DPH6: variants seen among roughly 807,000 people sequenced by gnomAD.
DPH6 encodes diphthine--ammonia ligase.
DPH6 carries 33 observed loss-of-function variants against 38.2 expected under a neutral mutation model. The ratio of observed to expected loss-of-function variants is 0.86; its 90% CI spans 0.65 to 1.15. The LOEUF (loss-of-function observed/expected upper bound fraction) is 1.15, where lower values mean the gene tolerates loss of function less well. Ranked by LOEUF, DPH6 falls within the 50% of genes most tolerant of loss-of-function variation. DPH6 has a pLI of 0.00. For synonymous variants in DPH6, 108 were observed against 103.0 expected (o/e 1.05, Z -0.30); for missense variants, 325 against 320.0 (o/e 1.02, Z -0.12).
rs372916946 is a variant in DPH6, at chr15:35,432,112, C to T, written c.505+18573G>A. On this transcript the variant is annotated intron_variant, in intron 5 of 8. Coordinates refer to ENST00000256538, the MANE Select transcript of DPH6 (RefSeq NM_080650.4). ...AATGTGCAGCCATGGTAGAGAACCA[C>T]TGATGTAATGCTATAAAGGTGGATG... is the stretch of plus-strand genomic sequence containing the variant. 1.1e-4 allele frequency among the ~76,000 whole-genome samples: 16 copies of T among 152,164 alleles called. 2 individuals are homozygous for T. Among genetic ancestry groups the T allele is most frequent in the East Asian group, 5.8e-4 (3 of 5,176 alleles).
the DPH6 span, among the ~76,000 whole-genome samples, chr15:35,205,908 A>C: frequency 6.6e-6 from 1 of 152,120 alleles, no homozygotes; most frequent in African/African-American, 2.4e-5. Context: ...AGTTTGGAAA[A>C]AGTGGTCACT....
the DPH6 span, among the ~76,000 whole-genome samples, chr15:35,178,373 G>A: frequency 1.9e-4 from 29 of 152,194 alleles, no homozygotes; most frequent in Non-Finnish European, 3.4e-4. Context: ...AGAAGGCAAT[G>A]AGAAGCAAAG....
intron 3 of DPH6, among the ~76,000 whole-genome samples, chr15:35,223,963 T>A (rs576374182): frequency 6.6e-6 from 1 of 152,170 alleles, no homozygotes; most frequent in African/African-American, 2.4e-5. Context: ...CAACCACTTA[T>A]CTCTTTACTG....
chr15:35,150,222 G>C, the DPH6 span, among the ~76,000 whole-genome samples: 7 of 152,206 alleles, frequency 4.6e-5, no homozygotes, highest in Non-Finnish European at 1.0e-4. Flanking sequence ...TTTAAAACTA[G>C]ATTACTCTTT....
downstream of DPH6, among the ~76,000 whole-genome samples, chr15:35,214,060 T>C (rs966456692): frequency 4.7e-5 from 7 of 147,398 alleles, no homozygotes; most frequent in Non-Finnish European, 1.0e-4. Flanking sequence ...TGCAGTGAGC[T>C]GAGATTGCGC....
chr15:35,397,437 T>C (rs1482467964), intron 6 of DPH6, among the ~76,000 whole-genome samples: 1 of 152,224 alleles, frequency 6.6e-6, no homozygotes, highest in Non-Finnish European at 1.5e-5. Context: ...CCTATGCATC[T>C]ACTTCCACTC....
At chr15:35,526,159 G>C (rs557599842) in intron 3 of DPH6, among the ~76,000 whole-genome samples, 52 of 152,284 alleles carry the variant, frequency 3.4e-4, no homozygotes, top group African/African-American at 1.2e-3. Flanking sequence ...TTTATCAAAT[G>C]ATCATTGTTC....
chr15:35,322,877 T>A (rs981576878), intron 3 of DPH6, among the ~76,000 whole-genome samples: 1 of 152,274 alleles, frequency 6.6e-6, no homozygotes, highest in Non-Finnish European at 1.5e-5. Context: ...AGCTTGTTCT[T>A]ATATTCTGAA....
intron 3 of DPH6, among the ~76,000 whole-genome samples, chr15:35,277,407 C>T (rs1011660939): frequency 1.3e-5 from 2 of 152,088 alleles, no homozygotes; most frequent in African/African-American, 4.8e-5. Flanking sequence ...GATTTGGATG[C>T]CTTTTATTTC....
At chr15:35,221,088 G>C (rs1042416976) in intron 3 of DPH6, among the ~76,000 whole-genome samples, 2 of 152,304 alleles carry the variant, frequency 1.3e-5, no homozygotes, top group African/African-American at 4.8e-5. Context: ...ATTCCAAAAG[G>C]GGGAAAAGAG....
intron 3 of DPH6, among the ~76,000 whole-genome samples, chr15:35,500,704 T>G (rs1263516691): frequency 6.6e-6 from 1 of 152,210 alleles, no homozygotes; most frequent in Non-Finnish European, 1.5e-5. Context: ...TTGTTTCTAT[T>G]AGAAACACAC....
intron 5 of DPH6, among the ~76,000 whole-genome samples, chr15:35,414,751 A>T (rs2053414962): frequency 2.9e-5 from 4 of 139,328 alleles, no homozygotes; most frequent in East Asian, 2.1e-4. Flanking sequence ...TTTCTGCTGC[A>T]CTCATTCTCT....
chr15:35,331,767 G>A (rs76716224), intron 3 of DPH6, among the ~76,000 whole-genome samples: 3,836 of 152,260 alleles, frequency 0.025, 67 homozygotes, highest in Middle Eastern at 0.048. Context: ...TTGTTCATCC[G>A]AAGGATGTCA....
chr15:35,471,155 A>T (rs947559254), intron 3 of DPH6, among the ~76,000 whole-genome samples: 2 of 152,190 alleles, frequency 1.3e-5, no homozygotes, highest in Non-Finnish European at 2.9e-5. Context: ...AATCATAAAG[A>T]GCAATACAAA....
At chr15:35,400,471 G>T (rs1486620250) in intron 6 of DPH6, among the ~76,000 whole-genome samples, 1 of 152,118 alleles carries the variant, frequency 6.6e-6, no homozygotes, top group African/African-American at 2.4e-5. Flanking sequence ...AAATATTAGT[G>T]GTGGTAGCAG....
At chr15:35,422,432 T>G (rs75746197) in intron 5 of DPH6, among the ~76,000 whole-genome samples, 4,852 of 152,044 alleles carry the variant, frequency 0.032, 91 homozygotes, top group Non-Finnish European at 0.047. Flanking sequence ...TTTATTGAGA[T>G]ATAGTTGAGA....
intron 3 of DPH6, among the ~76,000 whole-genome samples, chr15:35,499,261 A>G (rs1260894558): frequency 6.6e-6 from 1 of 152,188 alleles, no homozygotes; most frequent in Non-Finnish European, 1.5e-5. Flanking sequence ...ACTAGAACCA[A>G]ATAAATTATT....
chr15:35,307,800 T>C (rs892372705), intron 3 of DPH6, among the ~76,000 whole-genome samples: 1 of 152,160 alleles, frequency 6.6e-6, no homozygotes, highest in Non-Finnish European at 1.5e-5. Flanking sequence ...CACACATATA[T>C]TCAGAGAGAT....
intron 3 of DPH6, among the ~76,000 whole-genome samples, chr15:35,321,062 C>T (rs1233959266): frequency 1.3e-5 from 2 of 152,202 alleles, no homozygotes; most frequent in East Asian, 1.9e-4. Context: ...AATCTTGTGA[C>T]CTCTGGTCCC....
Sources: allele counts gnomAD v4.1 joint callset (sites outside exome capture counted in the v4.1 genomes callset), GRCh38; gene constraint gnomAD v4.1.1; transcripts MANE v1.5; gene names NCBI Gene and HGNC (gene_info 2026-07-23, HGNC 2026-07-21).